PRKCE: variants seen among roughly 807,000 people sequenced by gnomAD.
PRKCE encodes protein kinase C epsilon type.
A neutral mutation model predicts 85.4 loss-of-function variants in PRKCE; 16 were observed. That is an observed-to-expected ratio of 0.19 (90% CI 0.13 to 0.28). The LOEUF is 0.28. PRKCE is among the 10% of genes least tolerant of loss of function. The pLI is 1.00. For synonymous variants in PRKCE, 388 were observed against 371.5 expected, an observed-to-expected ratio of 1.04 and a Z score of -0.51; for missense variants, 573 against 975.2, an observed-to-expected ratio of 0.59 and a Z score of 5.49.
rs533826313 is a variant in PRKCE, at chr2:45,963,988, C to G, written c.413-12441C>G. On this transcript the variant is annotated intron_variant, in intron 2 of 14. Coordinates refer to ENST00000306156, the MANE Select transcript of PRKCE (RefSeq NM_005400.3). ...GCCTTGTGACGTCGAAGGGTGTGAT[C>G]TTGAGTTCACTTTGCTTTAGTCTCA... is the stretch of plus-strand genomic sequence containing the variant. Among the ~76,000 whole-genome samples, 9 of 152,258 alleles carry G rather than the reference C, an allele frequency of 5.9e-5. No individual in the cohort carries two copies. The East Asian group carries it at 1.5e-3, about 26-fold the overall frequency.
intron 1 of PRKCE, among the ~76,000 whole-genome samples, chr2:45,769,822 C>T (rs1325862876): frequency 6.6e-6 from 1 of 152,242 alleles, no homozygotes; most frequent in Non-Finnish European, 1.5e-5. Flanking sequence ...ATCCTTGTCT[C>T]TAAATTCTTA....
chr2:46,180,840 G>T (rs1013517097), intron 14 of PRKCE, among the ~76,000 whole-genome samples: 1 of 152,226 alleles, frequency 6.6e-6, no homozygotes, highest in African/African-American at 2.4e-5. Flanking sequence ...AACCAGGAAA[G>T]GATGGCACCA....
chr2:45,738,770 A>G lies in PRKCE; in HGVS notation c.348+86322A>G, dbSNP rs200901680. ...AACCTTACAGTTATTGGGCATTAAG[A>G]TATGACAGCTCTTAAAAGTACAGGA... On this transcript the variant is annotated intron_variant, in intron 1 of 14. Coordinates refer to ENST00000306156, the MANE Select transcript of PRKCE (RefSeq NM_005400.3). 2.8e-4 allele frequency among the ~76,000 whole-genome samples: 42 copies of G among 152,344 alleles called. No homozygotes were observed. The East Asian group carries it at 7.7e-3, about 28-fold the overall frequency.
intron 11 of PRKCE, among the ~76,000 whole-genome samples, chr2:46,111,027 G>A (rs1386131240): frequency 6.6e-6 from 1 of 151,922 alleles, no homozygotes; most frequent in Non-Finnish European, 1.5e-5. Flanking sequence ...GTTGATTTCT[G>A]GTTTAATTCC....
At chr2:45,737,926 A>C (rs146579228) in intron 1 of PRKCE, among the ~76,000 whole-genome samples, 3 of 152,156 alleles carry the variant, frequency 2.0e-5, no homozygotes, top group East Asian at 3.8e-4. Context: ...CTTCCTGATT[A>C]TACAGCACCT....
chr2:46,029,612 A>G (rs1707374058), intron 10 of PRKCE, among the ~76,000 whole-genome samples: 1 of 152,010 alleles, frequency 6.6e-6, no homozygotes, highest in Non-Finnish European at 1.5e-5. Context: ...GTCCTAGACC[A>G]AGAGCTCAAG....
At chr2:45,899,278 T>C (rs1359971474) in intron 2 of PRKCE, among the ~76,000 whole-genome samples, 1 of 152,252 alleles carries the variant, frequency 6.6e-6, no homozygotes, top group African/African-American at 2.4e-5. Context: ...TTTTGATATT[T>C]ATAGGCTTCT....
chr2:46,125,360 A>G (rs10495927), intron 11 of PRKCE, among the ~76,000 whole-genome samples: 52,029 of 152,070 alleles, frequency 0.34, 9,754 homozygotes, highest in African/African-American at 0.49. Context: ...GTACCCAGCC[A>G]ATAACAGTGA....
chr2:46,011,200 T>C lies in PRKCE; in HGVS notation c.1437+683T>C, dbSNP rs1339992349. The stretch of plus-strand genomic sequence containing the variant: ...GAGGGGTTGGGAGGAGTTAAAGTCT[T>C]TTAGGATCATTATGGATGTTTGTAG... On this transcript the variant is annotated intron_variant, in intron 10 of 14. Coordinates refer to ENST00000306156, the MANE Select transcript of PRKCE (RefSeq NM_005400.3). Among the ~76,000 whole-genome samples the C allele has an allele frequency of 2.6e-5, 4 of 152,186 alleles. No homozygotes were observed. The South Asian group carries it at 8.3e-4, about 32-fold the overall frequency.
chr2:46,092,322 T>C (rs1416408579), intron 11 of PRKCE, among the ~76,000 whole-genome samples: 1 of 151,658 alleles, frequency 6.6e-6, no homozygotes, highest in Non-Finnish European at 1.5e-5. Flanking sequence ...AGTTATAGAC[T>C]CTTCCTCCTT....
chr2:45,755,873 A>C (rs1005079808), intron 1 of PRKCE, among the ~76,000 whole-genome samples: 5 of 152,172 alleles, frequency 3.3e-5, no homozygotes, highest in African/African-American at 1.2e-4. Context: ...TCACCAGAAG[A>C]AACTTCCTTA....
At chr2:45,978,937 A>T (rs757919020) in intron 3 of PRKCE, 39 bp from the exon 4 acceptor site, 5 of 1,591,132 alleles carry the variant, frequency 3.1e-6, no homozygotes, top group African/African-American at 2.7e-5. Flanking sequence ...ACCTGGTAAG[A>T]TTTCACTTTT....
At chr2:45,720,693 G>T (rs6544844) in intron 1 of PRKCE, among the ~76,000 whole-genome samples, 9,913 of 152,240 alleles carry the variant, frequency 0.065, 616 homozygotes, top group African/African-American at 0.16. Context: ...TATTCATGCA[G>T]GTGATAGTTA....
At chr2:45,749,316 C>G (rs1012076155) in intron 1 of PRKCE, among the ~76,000 whole-genome samples, 1 of 152,188 alleles carries the variant, frequency 6.6e-6, no homozygotes, top group Non-Finnish European at 1.5e-5. Context: ...ATGCTATAAG[C>G]AAATTCTGTA....
chr2:45,825,774 G>C (rs1689895391), intron 1 of PRKCE, among the ~76,000 whole-genome samples: 1 of 152,166 alleles, frequency 6.6e-6, no homozygotes, highest in African/African-American at 2.4e-5. Context: ...TGTAGTCCCA[G>C]CTACTTGGGA....
intron 1 of PRKCE, among the ~76,000 whole-genome samples, chr2:45,724,999 A>T (rs996411964): frequency 6.6e-6 from 1 of 152,254 alleles, no homozygotes; most frequent in Non-Finnish European, 1.5e-5. Context: ...TTTTCAATGT[A>T]GATTAGAAGT....
chr2:45,919,163 G>T (rs552526053), intron 2 of PRKCE, among the ~76,000 whole-genome samples: 2 of 152,328 alleles, frequency 1.3e-5, no homozygotes, highest in South Asian at 4.1e-4. Flanking sequence ...ATGAGTAGGG[G>T]TTGTGGGGTA....
chr2:46,039,831 G>T (rs1040265092), intron 10 of PRKCE, among the ~76,000 whole-genome samples: 1 of 152,156 alleles, frequency 6.6e-6, no homozygotes. Flanking sequence ...ATTCTCCACT[G>T]ATCCAGGAGG....
chr2:46,080,972 T>TACACACACAC (rs112421012), intron 10 of PRKCE, among the ~76,000 whole-genome samples: 4,032 of 147,644 alleles, frequency 0.027, 84 homozygotes, highest in Admixed American at 0.063. Context: ...CAGTTATGCA[T>TACACACACAC]ACACACACAC....
Sources: gnomAD v4.1 joint callset for allele counts (sites outside exome capture counted in the v4.1 genomes callset) on GRCh38, gnomAD v4.1.1 for gene constraint, MANE v1.5 for transcripts, NCBI Gene and HGNC (gene_info 2026-07-23, HGNC 2026-07-21) for gene names.